CCDC91: variants seen among roughly 807,000 people sequenced by gnomAD.
CCDC91 encodes coiled-coil domain containing 91, also known as coiled-coil domain-containing protein 91.
CCDC91 carries 48 observed loss-of-function variants against 63.2 expected under a neutral mutation model. The observed-to-expected ratio is 0.76, with a 90% CI of 0.60 to 0.97. CCDC91 has a LOEUF of 0.97. Ranked by LOEUF, CCDC91 falls within the 50% of genes least tolerant of loss-of-function variation. The probability of loss-of-function intolerance (pLI) is 0.00; values close to 1 mark genes in which losing one functional copy is unlikely to be tolerated. For missense variants in CCDC91, 500 were observed against 494.6 expected (o/e 1.01, Z -0.10); for synonymous variants, 167 against 165.8 (o/e 1.01, Z -0.06).
intron 11 of CCDC91, among the ~76,000 whole-genome samples, chr12:28,468,695 A>G (rs1950660535): frequency 1.3e-5 from 2 of 152,050 alleles, no homozygotes; most frequent in African/African-American, 2.4e-5. Context: ...CCTAAACAAA[A>G]TATTAGCAAA....
chr12:28,279,550 T>C (rs1009430909), intron 3 of CCDC91, among the ~76,000 whole-genome samples: 2 of 152,122 alleles, frequency 1.3e-5, no homozygotes, highest in Non-Finnish European at 2.9e-5. Flanking sequence ...CCTTTCTGGT[T>C]CTGAATCACT....
chr12:28,447,254 C>A (rs995546603), intron 8 of CCDC91, among the ~76,000 whole-genome samples: 1 of 151,668 alleles, frequency 6.6e-6, no homozygotes, highest in Non-Finnish European at 1.5e-5. Context: ...TTAAATTTAA[C>A]AAAACAAAAA....
At chr12:28,240,875 T>C (rs1258187959) in intron 1 of CCDC91, among the ~76,000 whole-genome samples, 22 of 152,174 alleles carry the variant, frequency 1.4e-4, no homozygotes, top group Admixed American at 1.4e-3. Flanking sequence ...TTTCCTGGGA[T>C]AAATACCTAG....
At chr12:28,283,715 T>C (rs1948741121) in intron 3 of CCDC91, among the ~76,000 whole-genome samples, 1 of 152,204 alleles carries the variant, frequency 6.6e-6, no homozygotes, top group Non-Finnish European at 1.5e-5. Context: ...GTGTTTTATG[T>C]ATAGCTTATA....
At chr12:28,256,018 T>G (rs1946418794) in intron 1 of CCDC91, 1 of 152,154 alleles carries the variant, frequency 6.6e-6, no homozygotes, top group Non-Finnish European at 1.5e-5. Context: ...GAAAGGATTG[T>G]TTTCCTGTAA....
chr12:28,394,536 A>G (rs751337042), intron 8 of CCDC91, among the ~76,000 whole-genome samples: 4 of 152,162 alleles, frequency 2.6e-5, no homozygotes, highest in African/African-American at 4.8e-5. Flanking sequence ...ACATCATGTA[A>G]CATATAGAAA....
intron 3 of CCDC91, among the ~76,000 whole-genome samples, chr12:28,279,889 G>A (rs1365353789): frequency 1.3e-5 from 2 of 149,700 alleles, no homozygotes; most frequent in Non-Finnish European, 3.0e-5. Context: ...GTATATATAC[G>A]ATGCAGTGTT....
chr12:28,298,762 G>C (rs973912876), intron 3 of CCDC91, among the ~76,000 whole-genome samples: 2 of 139,478 alleles, frequency 1.4e-5, no homozygotes, highest in Non-Finnish European at 3.1e-5. Context: ...ACAAAAAATT[G>C]TGTGTGCTTG....
chr12:28,317,148 CTA>C (rs370248484), intron 6 of CCDC91, among the ~76,000 whole-genome samples: 209 of 152,030 alleles, frequency 1.4e-3, no homozygotes, highest in African/African-American at 4.9e-3. Flanking sequence ...CGTTTTGGGA[CTA>C]TTGATGGTTT....
intron 12 of CCDC91, among the ~76,000 whole-genome samples, chr12:28,515,592 TAA>T (rs1224638787): frequency 2.0e-5 from 3 of 151,914 alleles, no homozygotes; most frequent in South Asian, 2.1e-4. Flanking sequence ...AGGAGAGTGA[TAA>T]GTGATAATCT....
chr12:28,351,626 C>T (rs1201621202), intron 6 of CCDC91, among the ~76,000 whole-genome samples: 1 of 151,874 alleles, frequency 6.6e-6, no homozygotes, highest in Non-Finnish European at 1.5e-5. Context: ...CAAGCTATGC[C>T]TCTGGGCCCT....
chr12:28,534,986 A>G (rs1317929545), intron 12 of CCDC91, among the ~76,000 whole-genome samples: 2 of 152,234 alleles, frequency 1.3e-5, no homozygotes, highest in East Asian at 3.8e-4. Context: ...ACTTAAAAAT[A>G]TACATCAGTG....
chr12:28,208,343 A>C (rs1283376980), intron 1 of CCDC91, among the ~76,000 whole-genome samples: 1 of 152,248 alleles, frequency 6.6e-6, no homozygotes, highest in Non-Finnish European at 1.5e-5. Flanking sequence ...TTGATAGCAT[A>C]TACTCAGACA....
At chr12:28,383,560 T>A (rs1393059103) in intron 7 of CCDC91, among the ~76,000 whole-genome samples, 1 of 152,102 alleles carries the variant, frequency 6.6e-6, no homozygotes. Context: ...TTCCCAAAGG[T>A]TGAGTTCACA....
At chr12:28,406,181 C>G (rs1234179182) in intron 8 of CCDC91, among the ~76,000 whole-genome samples, 2 of 151,754 alleles carry the variant, frequency 1.3e-5, no homozygotes, top group Non-Finnish European at 2.9e-5. Flanking sequence ...CTGCACAGAT[C>G]AACCCATCAC....
At chr12:28,454,826 T>C (rs1306998720) in intron 11 of CCDC91, among the ~76,000 whole-genome samples, 2 of 152,042 alleles carry the variant, frequency 1.3e-5, no homozygotes, top group African/African-American at 4.8e-5. Context: ...GAGTTAGGTC[T>C]TGAGTTTTCC....
Position 28,397,025 on chromosome 12 carries a change from G to C in CCDC91, c.762+5614G>C, listed in dbSNP as rs184971785. On this transcript the variant is annotated intron_variant, in intron 8 of 12. Coordinates refer to ENST00000536442, the MANE Select transcript of CCDC91 (RefSeq NM_018318.5). ...AAGTGTATCTATGGATGAGATCAGA[G>C]AATATATAAAATGAGAAAATAATTC... Among the ~76,000 whole-genome samples the C allele has an allele frequency of 4.6e-5, 7 of 152,132 alleles. No individual in the cohort carries two copies. In the East Asian group the frequency reaches 5.8e-4, roughly 13 times the overall value.
intron 8 of CCDC91, among the ~76,000 whole-genome samples, chr12:28,412,370 T>C (rs1947368848): frequency 6.6e-6 from 1 of 152,190 alleles, no homozygotes. Flanking sequence ...GAAGAATTGT[T>C]GAGTTGAAGG....
intron 8 of CCDC91, among the ~76,000 whole-genome samples, chr12:28,439,440 G>T (rs1949068812): frequency 6.6e-6 from 1 of 152,124 alleles, no homozygotes; most frequent in Non-Finnish European, 1.5e-5. Flanking sequence ...AATCTTACCA[G>T]ATCACTTGAT....
Sources: allele counts gnomAD v4.1 joint callset (sites outside exome capture counted in the v4.1 genomes callset), GRCh38; gene constraint gnomAD v4.1.1; transcripts MANE v1.5; gene names NCBI Gene and HGNC (gene_info 2026-07-23, HGNC 2026-07-21).